COL4A2: variants seen among roughly 807,000 people sequenced by gnomAD.
COL4A2 encodes the protein collagen alpha-2(IV) chain.
A neutral mutation model predicts 200.2 loss-of-function variants in COL4A2; 99 were observed. The observed-to-expected ratio is 0.49, with a 90% CI of 0.42 to 0.58. The LOEUF is 0.58. COL4A2 is among the 20% of genes least tolerant of loss of function. COL4A2 has a pLI of 0.00. For synonymous variants in COL4A2, 897 were observed against 900.6 expected, an observed-to-expected ratio of 1.00 and a Z score of 0.07; for missense variants, 1,950 against 2,314.1, an observed-to-expected ratio of 0.84 and a Z score of 3.23.
intron 4 of COL4A2, among the ~76,000 whole-genome samples, chr13:110,412,396 A>G (rs566627037): frequency 1.3e-5 from 2 of 152,290 alleles, no homozygotes; most frequent in East Asian, 3.9e-4. Context: ...GCCTCCAGCC[A>G]AGGGCCGGTG....
chr13:110,309,602 G>A (rs1594136943), intron 3 of COL4A2, among the ~76,000 whole-genome samples: 3 of 152,186 alleles, frequency 2.0e-5, no homozygotes, highest in East Asian at 3.8e-4. Flanking sequence ...ATTTCCATAT[G>A]TTCATGCCTA....
chr13:110,311,380 C>T (rs1474894342), intron 3 of COL4A2, among the ~76,000 whole-genome samples: 2 of 152,166 alleles, frequency 1.3e-5, no homozygotes, highest in Non-Finnish European at 2.9e-5. Context: ...TCGTGTAAGG[C>T]AGTGTGACAC....
chr13:110,447,563 TA>T (rs560548714), intron 18 of COL4A2, among the ~76,000 whole-genome samples: 1,545 of 150,418 alleles, frequency 0.01, 19 homozygotes, highest in African/African-American at 0.035. Context: ...CCTTCTAGGT[TA>T]AAAAAAAAAT....
At chr13:110,491,376 C>A (rs952447407) in intron 37 of COL4A2, 36 bp downstream of exon 37, 5 of 1,414,242 alleles carry the variant, frequency 3.5e-6, no homozygotes, top group Non-Finnish European at 4.9e-6. Context: ...CTTCCTCAGG[C>A]AGGCCCTCCG....
intron 8 of COL4A2, 190 bp downstream of exon 8, chr13:110,430,146 T>G (rs1406117685): frequency 1.4e-6 from 1 of 714,402 alleles, no homozygotes; most frequent in Non-Finnish European, 2.1e-6. Flanking sequence ...AATTGTGTGT[T>G]TATCTCTTTC....
In COL4A2 at chr13:110,472,952, A is replaced by C; in HGVS notation, c.2227A>C (p.Lys743Gln). ...PPGFIGPRGS[K>Q]GAVGLPGPDG... Reference sequence around the variant, plus strand: ...AGGGTTCATAGGACCCCGAGGATCCAAAGGTGCAGTGGGCCTCCCTGGCCC... The same window carrying C: ...AGGGTTCATAGGACCCCGAGGATCCCAAGGTGCAGTGGGCCTCCCTGGCCC... Residue 743 changes from lysine to glutamine, a missense_variant, in exon 29 of 48, where the codon AAA (lysine) becomes CAA (glutamine). By Grantham distance (53) the Lys-to-Gln change is moderately conservative. Transcript: ENST00000360467. The C allele has an allele frequency of 1.3e-6, 2 of 1,557,932 alleles. No individual in the cohort carries two copies. The highest frequency in any genetic ancestry group is 1.7e-6 in the Non-Finnish European group (2 of 1,150,614).
Position 110,462,344 on chromosome 13 carries a change from G to A in COL4A2, c.1736G>A (p.Arg579His), listed in dbSNP as rs777360782. Residue 579 changes from arginine to histidine, a missense_variant, in exon 24 of 48, where the codon CGC becomes CAC. Arg to His is a conservative substitution (Grantham distance 29). Coordinates refer to ENST00000360467, the MANE Select transcript of COL4A2 (RefSeq NM_001846.4). ...GMKGDDGSPG[R>H]DGLDGFPGLP... The stretch of plus-strand genomic sequence containing the variant: ...AAAGGTGACGATGGCAGCCCAGGCC[G>A]CGATGGGCTCGATGGATTCCCCGGC... The A allele has an allele frequency of 2.2e-5, 35 of 1,613,888 alleles. No homozygotes were observed. The highest frequency in any genetic ancestry group is 1.6e-4 in the Middle Eastern group (1 of 6,078).
chr13:110,373,305 T>C (rs568381809), intron 4 of COL4A2, among the ~76,000 whole-genome samples: 2 of 152,334 alleles, frequency 1.3e-5, no homozygotes, highest in Non-Finnish European at 2.9e-5. Context: ...TTAGCCTTCT[T>C]TACCTTCACA....
chr13:110,375,926 T>C (rs1034780401), intron 4 of COL4A2, among the ~76,000 whole-genome samples: 1 of 152,250 alleles, frequency 6.6e-6, no homozygotes, highest in African/African-American at 2.4e-5. Context: ...ATTTTTCTTC[T>C]GTGCTGCAGA....
chr13:110,468,010 G>A (rs1882314966), intron 27 of COL4A2: 2 of 381,100 alleles, frequency 5.2e-6, no homozygotes, highest in Non-Finnish European at 1.1e-5. Context: ...TATGCAAGAT[G>A]AATAGTGCAG....
chr13:110,492,113 G>C lies in COL4A2; in HGVS notation c.3498G>C (p.Leu1166=). ...GGCCTCCAGGGTCGCAGGGAGAGCT[G>C]GGGCGGATTGGACTGCCTGGTGGCA... is the stretch of plus-strand genomic sequence containing the variant. ...LTGPPGSQGE[L]GRIGLPGGKG... Residue 1166 remains leucine (L), a synonymous_variant, in exon 38 of 48, where the codon CTG becomes CTC. Transcript: ENST00000360467. The C allele has an allele frequency of 1.3e-6, 2 of 1,553,266 alleles. No individual in the cohort carries two copies. Among genetic ancestry groups the C allele is most frequent in the Non-Finnish European group, 1.7e-6 (2 of 1,147,692 alleles).
intron 4 of COL4A2, among the ~76,000 whole-genome samples, chr13:110,361,492 T>G (rs1181996011): frequency 1.3e-5 from 2 of 152,184 alleles, no homozygotes; most frequent in Non-Finnish European, 2.9e-5. Context: ...CTTGGCTAGC[T>G]CAGCCTTTTA....
intron 24 of COL4A2, among the ~76,000 whole-genome samples, chr13:110,462,619 A>G (rs1208567744): frequency 1.3e-5 from 2 of 152,206 alleles, no homozygotes; most frequent in African/African-American, 2.4e-5. Context: ...AATCAAAGAA[A>G]TATTCCTCCT....
intron 20 of COL4A2, among the ~76,000 whole-genome samples, chr13:110,454,195 C>G (rs1341127195): frequency 6.6e-6 from 1 of 152,082 alleles, no homozygotes; most frequent in Non-Finnish European, 1.5e-5. Context: ...TGGCCAGGGG[C>G]TCTTTGTGGA....
At chr13:110,486,760 G>T (rs945059523) in intron 34 of COL4A2, among the ~76,000 whole-genome samples, 7 of 152,056 alleles carry the variant, frequency 4.6e-5, no homozygotes, top group Non-Finnish European at 1.0e-4. Context: ...GAAAAAGGGG[G>T]GTTGTTCTCT....
intron 3 of COL4A2, among the ~76,000 whole-genome samples, chr13:110,334,639 T>C (rs1876085587): frequency 6.6e-6 from 1 of 152,222 alleles, no homozygotes; most frequent in Non-Finnish European, 1.5e-5. Context: ...ATTTATAGTC[T>C]AAGAAACTTG....
chr13:110,507,784 A>G, intron 46 of COL4A2, 151 bp from the exon 47 acceptor site: 1 of 697,632 alleles, frequency 1.4e-6, no homozygotes, highest in Non-Finnish European at 2.4e-6. Context: ...AGAAATTGGG[A>G]AGCCTTAGCC....
chr13:110,425,217 C>A (rs1303618208), intron 6 of COL4A2, among the ~76,000 whole-genome samples: 1 of 152,160 alleles, frequency 6.6e-6, no homozygotes, highest in Non-Finnish European at 1.5e-5. Context: ...AGAATTGAGA[C>A]GATTTTGCTA....
At chr13:110,490,830 T>C (rs1883261916) in intron 36 of COL4A2, among the ~76,000 whole-genome samples, 2 of 152,236 alleles carry the variant, frequency 1.3e-5, no homozygotes, top group Admixed American at 6.5e-5. Flanking sequence ...AGAATTATTT[T>C]TGCTGTTACC....
Sources: gnomAD v4.1 joint callset for allele counts (sites outside exome capture counted in the v4.1 genomes callset) on GRCh38, gnomAD v4.1.1 for gene constraint, MANE v1.5 for transcripts, NCBI Gene and HGNC (gene_info 2026-07-23, HGNC 2026-07-21) for gene names.